Variants in XRN1 observed in about 807,000 individuals in gnomAD.
The protein encoded by XRN1 is strand-exchange protein 1 homolog.
XRN1 carries 67 observed loss-of-function variants against 222.3 expected under a neutral mutation model. That is an observed-to-expected ratio of 0.30 (90% confidence interval 0.25 to 0.37). XRN1 has a LOEUF of 0.37. Among genes scored for constraint, XRN1 ranks in the 10% least tolerant of loss-of-function variants. XRN1 has a pLI of 1.00. For missense variants in XRN1, 1,707 were observed against 2,000.2 expected (o/e 0.85, Z 2.80); for synonymous variants, 643 against 652.4 (o/e 0.99, Z 0.22).
At chr3:142,366,576 C>T (rs2066819011) in intron 27 of XRN1, among the ~76,000 whole-genome samples, 1 of 152,018 alleles carries the variant, frequency 6.6e-6, no homozygotes, top group Non-Finnish European at 1.5e-5. Flanking sequence ...ATATAGCATG[C>T]TAGCAGGTAA....
intron 21 of XRN1, among the ~76,000 whole-genome samples, chr3:142,384,269 C>G (rs2067411873): frequency 7.6e-6 from 1 of 131,014 alleles, no homozygotes; most frequent in East Asian, 2.2e-4. Context: ...GAGACTCTGT[C>G]TCAAAAAAAA....
At chr3:142,328,744 TA>T (rs2065604386) in intron 37 of XRN1, among the ~76,000 whole-genome samples, 5 of 58,452 alleles carry the variant, frequency 8.6e-5, no homozygotes, top group Admixed American at 1.7e-4. Flanking sequence ...TATATATATA[TA>T]TATATATATA....
At chr3:142,339,643 A>C (rs780059878) in intron 33 of XRN1, among the ~76,000 whole-genome samples, 5 of 152,214 alleles carry the variant, frequency 3.3e-5, no homozygotes, top group Non-Finnish European at 5.9e-5. Flanking sequence ...AGAGAATTCA[A>C]AATAACTGTT....
Position 142,447,844 on chromosome 3 carries a change from T to G in XRN1, c.75+26A>C. 6.2e-7 allele frequency: 1 copy of G among 1,612,484 alleles called. No individual in the cohort carries two copies. Among genetic ancestry groups the G allele is most frequent in the Non-Finnish European group, 8.5e-7 (1 of 1,179,646 alleles). On this transcript the variant is annotated intron_variant, in intron 1 of 40. Coordinates refer to ENST00000392981, the MANE Select transcript of XRN1 (RefSeq NM_001282857.2). This position sits in a 1 kb window ranked among gnomAD's most constrained non-coding sequence, Gnocchi z 4.2. Reference sequence around the variant, plus strand: ...GCGGAGCCCCGGGTCCTCGGCTTTCTGAGCCGTTGCCCCTCGCTCACCCAC... The same window carrying G: ...GCGGAGCCCCGGGTCCTCGGCTTTCGGAGCCGTTGCCCCTCGCTCACCCAC...
chr3:142,312,535 A>G, intron 40 of XRN1, 63 bp downstream of exon 40: 1 of 1,406,758 alleles, frequency 7.1e-7, no homozygotes, highest in East Asian at 2.5e-5. Context: ...GAATAAAAAA[A>G]TGTTTATCAA....
chr3:142,362,895 T>C (rs2066692124), intron 29 of XRN1, among the ~76,000 whole-genome samples: 1 of 151,558 alleles, frequency 6.6e-6, no homozygotes, highest in African/African-American at 2.4e-5. Context: ...CTCACCCTCC[T>C]GATTAGCTGG....
intron 1 of XRN1, among the ~76,000 whole-genome samples, chr3:142,438,142 T>C (rs1033060107): frequency 1.3e-5 from 2 of 152,356 alleles, no homozygotes; most frequent in Middle Eastern, 3.4e-3. Context: ...TTGAAGGTTC[T>C]TCAAAAAACT....
intron 15 of XRN1, among the ~76,000 whole-genome samples, chr3:142,410,006 G>T (rs2068502774): frequency 6.6e-6 from 1 of 152,108 alleles, no homozygotes; most frequent in South Asian, 2.1e-4. Context: ...CTGTAACCTT[G>T]CTAAAGTTAC....
intron 1 of XRN1, among the ~76,000 whole-genome samples, chr3:142,436,549 T>C (rs1577448621): frequency 1.3e-5 from 2 of 152,322 alleles, no homozygotes; most frequent in Non-Finnish European, 2.9e-5. Flanking sequence ...ATTTCTACTA[T>C]TGAAAATTTA....
chr3:142,402,231 G>C (rs766086772), intron 18 of XRN1, among the ~76,000 whole-genome samples: 1 of 151,728 alleles, frequency 6.6e-6, no homozygotes, highest in Admixed American at 6.6e-5. Context: ...CACCCAGGCT[G>C]GAGTGCAGTG....
chr3:142,332,970 G>A lies in XRN1; in HGVS notation c.4059C>T (p.Ala1353=). Residue 1353 remains alanine, a synonymous_variant, in exon 35 of 41, where the codon GCC becomes GCT. Coordinates refer to ENST00000392981, the MANE Select transcript of XRN1 (RefSeq NM_001282857.2). ...AAAGTTCCTACAAAATACGAACCAT[G>A]GCAAATGACTGTGGTGACAAATGCT... The part of the protein sequence containing the change: ...SEEHLSPQSF[A]MKGTRMLKEI... 6.2e-7 allele frequency: 1 copy of A among 1,612,952 alleles called. No individual in the cohort carries two copies. Among genetic ancestry groups the A allele is most frequent in the South Asian group, 1.1e-5 (1 of 90,862 alleles).
chr3:142,370,874 AAAAACAAAAC>A (rs372032073), intron 26 of XRN1, among the ~76,000 whole-genome samples: 10 of 152,100 alleles, frequency 6.6e-5, no homozygotes, highest in East Asian at 1.9e-4. Flanking sequence ...AACAATGCAA[AAAAACAAAAC>A]AAAACAAAAC....
chr3:142,391,583 G>C (rs1173233024), intron 20 of XRN1, among the ~76,000 whole-genome samples: 1 of 151,688 alleles, frequency 6.6e-6, no homozygotes, highest in Non-Finnish European at 1.5e-5. Flanking sequence ...TAAAATAGTA[G>C]CCTGGCATGG....
Position 142,425,519 on chromosome 3 carries a change from C to A in XRN1, c.426G>T (p.Arg142Ser). 1.2e-6 allele frequency: 2 copies of A among 1,612,306 alleles called. No individual in the cohort carries two copies. Among genetic ancestry groups the A allele is most frequent in the Non-Finnish European group, 8.5e-7 (1 of 1,179,114 alleles). ...CAAAATACTTCAGATGTTCATGTAA[C>A]CTGGCCATAAATTCAGTTCCTAAAA... ...CITPGTEFMARLHEHLKYFVN... is the reference protein window; with the variant it reads ...CITPGTEFMASLHEHLKYFVN... Residue 142 changes from arginine to serine, a missense_variant, in exon 4 of 41, where the codon AGG becomes AGT. Arg to Ser is a moderately radical substitution (Grantham distance 110). Coordinates refer to ENST00000392981, the MANE Select transcript of XRN1 (RefSeq NM_001282857.2).
chr3:142,413,931 C>T (rs945824442), intron 14 of XRN1, among the ~76,000 whole-genome samples: 1 of 152,106 alleles, frequency 6.6e-6, no homozygotes, highest in South Asian at 2.1e-4. Context: ...GAATGATTTA[C>T]GGAGTTTCTT....
chr3:142,363,239 A>AT lies in XRN1; in HGVS notation c.3394+1807dup, dbSNP rs971814104. Reference sequence around the variant, plus strand: ...GAAGATGTAAGGTAAGGAGTTGTGGATTTTTTTTTTTTGCATATGGTGTCT... The same window carrying AT: ...GAAGATGTAAGGTAAGGAGTTGTGGATTTTTTTTTTTTTGCATATGGTGTCT... On this transcript the variant is annotated intron_variant, in intron 29 of 40. Coordinates refer to ENST00000392981, the MANE Select transcript of XRN1 (RefSeq NM_001282857.2). Among the ~76,000 whole-genome samples, 1,347 of 143,278 alleles carry AT rather than the reference A, an allele frequency of 9.4e-3. 20 individuals carry two copies. Among genetic ancestry groups the AT allele is most frequent in the African/African-American group, 0.028 (1,089 of 39,278 alleles). The allele number at this position is 143,278 out of a possible 152,430, so 94.0% of individuals were successfully genotyped here. A position where few individuals can be genotyped will look rare whatever the true frequency, so the allele number is the denominator to read the frequency against.
chr3:142,311,783 T>C lies in XRN1; in HGVS notation c.4813A>G (p.Asn1605Asp). The change falls in exon 41 of 41, where the codon AAC becomes GAC. Residue 1605 changes from asparagine to aspartate, a missense_variant. Physicochemically the swap from Asn to Asp is conservative, Grantham distance 23. Transcript: ENST00000392981. Reference sequence around the variant, plus strand: ...CTCTGGGCTTCCTTATTCTCAAAGTTCTTTTTGTTTGCAACCCTTTTTTTA... The same window carrying C: ...CTCTGGGCTTCCTTATTCTCAAAGTCCTTTTTGTTTGCAACCCTTTTTTTA... ...VTKKRVANKK[N>D]FENKEAQSSQ... is the part of the protein sequence containing the mutation. 2 of 1,598,008 alleles carry C rather than the reference T, an allele frequency of 1.3e-6. No homozygotes were observed. The highest frequency in any genetic ancestry group is 1.4e-5 in the African/African-American group (1 of 73,950).
chr3:142,418,146 G>T, intron 12 of XRN1: 1 of 199,980 alleles, frequency 5.0e-6, no homozygotes, highest in Non-Finnish European at 1.0e-5. Context: ...TGCAGATTCC[G>T]GAGATGGAAG....
intron 12 of XRN1, 46 bp from the exon 13 acceptor site, chr3:142,417,275 C>T (rs760086218): frequency 5.8e-6 from 9 of 1,542,832 alleles, no homozygotes; most frequent in East Asian, 2.3e-5. Context: ...TGAAGACAGG[C>T]CCGTGTCTTT....
Sources: gnomAD v4.1 joint callset for allele counts (sites outside exome capture counted in the v4.1 genomes callset) on GRCh38, gnomAD v4.1.1 for gene constraint, Gnocchi (gnomAD v3.1) non-coding constraint, MANE v1.5 for transcripts, NCBI Gene and HGNC (gene_info 2026-07-23, HGNC 2026-07-21) for gene names.